Variants in SPDYE3 observed in about 807,000 individuals in gnomAD.
SPDYE3 encodes the protein speedy protein E3.
In SPDYE3, 15 loss-of-function variants were observed where a neutral mutation model predicts 55.0. The observed-to-expected ratio is 0.27, with a 90% CI of 0.18 to 0.42. The LOEUF (loss-of-function observed/expected upper bound fraction) is 0.42. Ranked by LOEUF, SPDYE3 falls within the 10% of genes least tolerant of loss-of-function variation. The probability of loss-of-function intolerance (pLI) is 1.00; values close to 1 mark genes in which losing one functional copy is unlikely to be tolerated. For synonymous variants in SPDYE3, 89 were observed against 229.9 expected (o/e 0.39, Z 5.55); for missense variants, 236 against 576.7 (o/e 0.41, Z 6.05).
At position 100,308,023 on chromosome 7, in the gene SPDYE3, A is replaced by T. The variant is rs1035356576; in HGVS notation, c.106+32A>T. ...GGACTGGAGGAAGAAGAGGTGGCAT[A>T]GGATTGACTAAGACGAAGGAAGGGG... On this transcript the variant is annotated intron_variant, in intron 1 of 10. Coordinates refer to ENST00000332397, the MANE Select transcript of SPDYE3 (RefSeq NM_001004351.5). 4 of 1,528,574 alleles carry T rather than the reference A, an allele frequency of 2.6e-6. No individual in the cohort carries two copies. In the African/African-American group the frequency reaches 5.5e-5, roughly 21 times the overall value. 94.7% of individuals were successfully genotyped at this position (1,528,574 alleles called of 1,614,324 possible). A position where few individuals can be genotyped will look rare whatever the true frequency, so the allele number is the denominator to read the frequency against.
intron 6 of SPDYE3, 133 bp from the exon 7 acceptor site, chr7:100,315,652 C>G: frequency 2.8e-6 from 4 of 1,416,718 alleles, no homozygotes; most frequent in Non-Finnish European, 3.9e-6. Flanking sequence ...TCATTCTCCC[C>G]TCTCCCATCC....
intron 10 of SPDYE3, 27 bp downstream of exon 10, chr7:100,320,062 G>C (rs949594790): frequency 4.4e-6 from 7 of 1,595,026 alleles, no homozygotes; most frequent in African/African-American, 2.7e-5. Context: ...CGGGGTAAAG[G>C]CAGAATATTG....
intron 7 of SPDYE3, among the ~76,000 whole-genome samples, 172 bp from the exon 8 acceptor site, chr7:100,316,898 C>T (rs550245336): frequency 6.6e-5 from 10 of 152,280 alleles, no homozygotes; most frequent in Admixed American, 3.9e-4. Flanking sequence ...GATTTGCATC[C>T]GACCTTCGAA....
At chr7:100,315,609 G>A (rs915980091) in intron 6 of SPDYE3, among the ~76,000 whole-genome samples, 176 bp from the exon 7 acceptor site, 4 of 152,152 alleles carry the variant, frequency 2.6e-5, no homozygotes, top group African/African-American at 9.7e-5. Context: ...GGGAGTCTCA[G>A]AGCAGGAGCC....
Position 100,307,901 on chromosome 7 carries a change from C to G in SPDYE3, c.16C>G (p.Pro6Ala), listed in dbSNP as rs1469575422. The G allele has an allele frequency of 6.3e-7, 1 of 1,584,862 alleles. No homozygotes were observed. Among genetic ancestry groups the G allele is most frequent in the South Asian group, 1.1e-5 (1 of 89,012 alleles). ...GGGAAAGATCATGACGAGCCATCAA[C>G]CGCAGCCCCAGGAAGAGCAGAGCCC... is the stretch of plus-strand genomic sequence containing the variant. MTSHQ[P>A]QPQEEQSPQR... Residue 6 changes from proline (P) to alanine (A), a missense_variant, in exon 1 of 11, where the codon CCG becomes GCG. By Grantham distance (27) the Pro-to-Ala change is conservative. Coordinates refer to ENST00000332397, the MANE Select transcript of SPDYE3 (RefSeq NM_001004351.5).
At chr7:100,317,772 T>C (rs531457306) in intron 8 of SPDYE3, among the ~76,000 whole-genome samples, 2 of 150,744 alleles carry the variant, frequency 1.3e-5, no homozygotes, top group East Asian at 3.9e-4. Flanking sequence ...AAAACCATCC[T>C]GGCTAACATG....
In SPDYE3 at chr7:100,321,735, C is replaced by T. The variant is rs1789584055; in HGVS notation, c.*890C>T. On this transcript the variant is annotated 3_prime_UTR_variant, in exon 11 of 11. Coordinates refer to ENST00000332397, the MANE Select transcript of SPDYE3 (RefSeq NM_001004351.5). ...TTTTAACATGTCTTAGATATATATACTAACATGTCTAATATATACTATCTA... is the reference window on the plus strand; with the variant it reads ...TTTTAACATGTCTTAGATATATATATTAACATGTCTAATATATACTATCTA... The T allele has an allele frequency of 6.7e-6, 1 of 150,278 alleles. No homozygotes were observed. The highest frequency in any genetic ancestry group is 2.4e-5 in the African/African-American group (1 of 41,152). 9.3% of individuals were successfully genotyped at this position (150,278 alleles called of 1,614,324 possible).
chr7:100,310,150 A>T (rs858633), intron 2 of SPDYE3, among the ~76,000 whole-genome samples: 19 of 136,446 alleles, frequency 1.4e-4, no homozygotes, highest in Non-Finnish European at 2.6e-4. Flanking sequence ...GAACGATATG[A>T]CGCAGTGTTC....
In SPDYE3 at chr7:100,308,109, C is replaced by G; in HGVS notation, c.106+118C>G. 3.1e-6 allele frequency: 4 copies of G among 1,309,792 alleles called. No individual in the cohort carries two copies. The South Asian group carries it at 5.7e-5, about 19-fold the overall frequency. 81.1% of individuals were successfully genotyped at this position (1,309,792 alleles called of 1,614,324 possible). On this transcript the variant is annotated intron_variant, in intron 1 of 10. Coordinates refer to ENST00000332397, the MANE Select transcript of SPDYE3 (RefSeq NM_001004351.5). ...CTTTGGGAGGCCGAGGCGGGCAGAT[C>G]ACCTGAGGTCAGCAGTTCAAGACCA...
chr7:100,317,055 C>T lies in SPDYE3; in HGVS notation c.1261-15C>T. On this transcript the variant is annotated splice_polypyrimidine_tract_variant and intron_variant, in intron 7 of 10. Coordinates refer to ENST00000332397, the MANE Select transcript of SPDYE3 (RefSeq NM_001004351.5). ...ATGTGACCTCTCCCTCTCTGTGTTC[C>T]TTTCTCTCCATCAGTATCTCCTGGC... 1 of 1,583,300 alleles carries T rather than the reference C, an allele frequency of 6.3e-7. No homozygotes were observed. The highest frequency in any genetic ancestry group is 1.3e-5 in the African/African-American group (1 of 74,278).
intron 10 of SPDYE3, chr7:100,320,340 T>C: frequency 9.4e-7 from 1 of 1,060,038 alleles, no homozygotes; most frequent in South Asian, 1.7e-5. Context: ...AAATACTGAG[T>C]TCGGGGAGGT....
At chr7:100,319,464 G>C (rs1789521007) in intron 8 of SPDYE3, 101 bp from the exon 9 acceptor site, 2 of 1,581,604 alleles carry the variant, frequency 1.3e-6, no homozygotes, top group Non-Finnish European at 1.7e-6. Context: ...TGCCAGTCCT[G>C]AGCTAGGGAC....
chr7:100,315,681 A>T (rs1199481397), intron 6 of SPDYE3, 104 bp from the exon 7 acceptor site: 1 of 1,576,070 alleles, frequency 6.3e-7, no homozygotes. Context: ...CGCGGCCACA[A>T]TCCTGAGACT....
Position 100,319,683 on chromosome 7 carries a change from T to A in SPDYE3, c.1465T>A (p.Cys489Ser). ...PLRPKHWFQL[C>S]RPMNPRARKN... Reference sequence around the variant, plus strand: ...GCGCCCTAAGCATTGGTTCCAGTTATGCCGTCCCATGAACCCGAGGGCCAG... The same window carrying A: ...GCGCCCTAAGCATTGGTTCCAGTTAAGCCGTCCCATGAACCCGAGGGCCAG... Residue 489 changes from cysteine to serine, a missense_variant, in exon 9 of 11, where the codon TGC (cysteine) becomes AGC (serine). Transcript: ENST00000332397. The A allele has an allele frequency of 1.2e-6, 2 of 1,614,122 alleles. No individual in the cohort carries two copies.
At chr7:100,316,939 C>T in intron 7 of SPDYE3, 131 bp from the exon 8 acceptor site, 1 of 1,274,050 alleles carries the variant, frequency 7.8e-7, no homozygotes, top group Non-Finnish European at 1.1e-6. Flanking sequence ...TCCACATGAG[C>T]ACAGTCACCC....
At chr7:100,312,389 C>T (rs972807797) in intron 4 of SPDYE3, among the ~76,000 whole-genome samples, 18 of 145,254 alleles carry the variant, frequency 1.2e-4, no homozygotes, top group African/African-American at 4.7e-4. Flanking sequence ...TCCAGCTACT[C>T]GGGAGGCTGA....
At position 100,319,914 on chromosome 7, in the gene SPDYE3, C is replaced by A. The variant is rs762243256; in HGVS notation, c.1591-17C>A. 1.7e-5 allele frequency: 28 copies of A among 1,612,782 alleles called. No homozygotes were observed. The highest frequency in any genetic ancestry group is 2.1e-5 in the Non-Finnish European group (25 of 1,180,024). On this transcript the variant is annotated splice_polypyrimidine_tract_variant and intron_variant, in intron 9 of 10. Coordinates refer to ENST00000332397, the MANE Select transcript of SPDYE3 (RefSeq NM_001004351.5). The stretch of plus-strand genomic sequence containing the variant: ...CTGGGGAGTCCCCGTCTTCTCAAAG[C>A]GCATTTGTTTTTCCAGATCCAGGCT...
chr7:100,308,322 C>T (rs1308807808), intron 1 of SPDYE3, among the ~76,000 whole-genome samples: 2 of 131,040 alleles, frequency 1.5e-5, no homozygotes, highest in African/African-American at 3.0e-5. Context: ...GAGAGTGAGA[C>T]GCTGTCTCAA....
At chr7:100,313,081 CG>C (rs1806002796) in intron 4 of SPDYE3, 58 bp from the exon 5 acceptor site, 1 of 550,650 alleles carries the variant, frequency 1.8e-6, no homozygotes, top group Non-Finnish European at 3.2e-6. Flanking sequence ...GGTTTGGGGT[CG>C]GGGTCTAACG....
Sources: allele counts gnomAD v4.1 joint callset (sites outside exome capture counted in the v4.1 genomes callset), GRCh38; gene constraint gnomAD v4.1.1; transcripts MANE v1.5; gene names NCBI Gene and HGNC (gene_info 2026-07-23, HGNC 2026-07-21).